The following NBPF3 variants were observed in gnomAD, a reference collection of about 807,000 sequenced individuals.
NBPF3 encodes NBPF member 3, also known as NBPF family member NBPF3.
Under a neutral mutation model 78.1 loss-of-function variants are expected in NBPF3, and 57 were observed. The observed-to-expected ratio is 0.73, with a 90% CI of 0.59 to 0.91. The LOEUF (loss-of-function observed/expected upper bound fraction) is 0.91. Among genes scored for constraint, NBPF3 ranks in the 40% least tolerant of loss-of-function variants. The pLI is 0.00. For missense variants in NBPF3, 510 were observed against 715.3 expected (o/e 0.71, Z 3.27); for synonymous variants, 182 against 271.7 (o/e 0.67, Z 3.25).
intron 8 of NBPF3, among the ~76,000 whole-genome samples, chr1:21,475,351 T>A (rs1395892341): frequency 6.6e-6 from 1 of 152,254 alleles, no homozygotes; most frequent in Non-Finnish European, 1.5e-5. Flanking sequence ...TTAATTGTGA[T>A]GTTAAGGTGT....
chr1:21,468,678 T>G lies in NBPF3; in HGVS notation c.134-10T>G, dbSNP rs1642410244. 1 of 1,612,624 alleles carries G rather than the reference T, an allele frequency of 6.2e-7. No individual in the cohort carries two copies. The highest frequency in any genetic ancestry group is 1.1e-5 in the South Asian group (1 of 91,058). ...TTAACCCATCGTGTGTTTGGGTGTC[T>G]TCTCCCCAGTCCCTGGCCCCACCTC... On this transcript the variant is annotated splice_polypyrimidine_tract_variant and intron_variant, in intron 2 of 14. Transcript: ENST00000318249.
In NBPF3 at chr1:21,448,617, C is replaced by T. The variant is rs555378977; in HGVS notation, c.133+3398C>T. Among the ~76,000 whole-genome samples, 4 of 152,242 alleles carry T rather than the reference C, an allele frequency of 2.6e-5. No homozygotes were observed. In the South Asian group the frequency reaches 8.3e-4, roughly 32 times the overall value. On this transcript the variant is annotated intron_variant, in intron 2 of 14. Transcript: ENST00000318249. The stretch of plus-strand genomic sequence containing the variant: ...CTTCATCATGAGAACCTGGTTGAGA[C>T]CATTGTAGTAAAACTTGGAAACGTG...
intron 5 of NBPF3, 75 bp downstream of exon 5, chr1:21,471,858 T>C (rs1642617138): frequency 6.4e-7 from 1 of 1,567,514 alleles, no homozygotes; most frequent in African/African-American, 1.4e-5. Context: ...ACTTTCACAA[T>C]GACATTTGTA....
intron 6 of NBPF3, 84 bp from the exon 7 acceptor site, chr1:21,473,296 C>T (rs1203549961): frequency 3.4e-6 from 5 of 1,488,846 alleles, no homozygotes; most frequent in African/African-American, 1.4e-5. Flanking sequence ...CTTAATGCCT[C>T]CTGTCGAAAC....
chr1:21,458,607 A>T (rs888635559), intron 2 of NBPF3, among the ~76,000 whole-genome samples: 1 of 152,242 alleles, frequency 6.6e-6, no homozygotes, highest in African/African-American at 2.4e-5. Context: ...TTAACCGTTG[A>T]TGCAAATACT....
Position 21,470,727 on chromosome 1 carries a change from G to A in NBPF3, c.439G>A (p.Glu147Lys). 6.3e-7 allele frequency: 1 copy of A among 1,596,828 alleles called. No homozygotes were observed. The highest frequency in any genetic ancestry group is 8.6e-7 in the Non-Finnish European group (1 of 1,168,878). ...TGCAGAGGAGCTCGGGCAAGCTGAG[G>A]AGCTCAGGTGAGTGGGCCCCCTGGG... ...KLAEELGQAE[E>K]LRQYKVLVHS... The change falls in exon 4 of 15, where the codon GAG becomes AAG. Residue 147 changes from glutamate (E) to lysine (K), a missense_variant. Coordinates refer to ENST00000318249, the MANE Select transcript of NBPF3 (RefSeq NM_032264.6).
At chr1:21,448,560 G>T (rs1416999014) in intron 2 of NBPF3, among the ~76,000 whole-genome samples, 2 of 152,154 alleles carry the variant, frequency 1.3e-5, no homozygotes, top group Non-Finnish European at 2.9e-5. Context: ...TCCTGAAGTT[G>T]ATAGTGCCAG....
intron 2 of NBPF3, among the ~76,000 whole-genome samples, chr1:21,450,255 GCTGA>G (rs1345488480): frequency 6.6e-6 from 1 of 152,136 alleles, no homozygotes; most frequent in Non-Finnish European, 1.5e-5. Context: ...CTTTGTCTTT[GCTGA>G]CTGTCAGCCA....
intron 8 of NBPF3, among the ~76,000 whole-genome samples, chr1:21,475,629 T>C (rs4654946): frequency 0.73 from 110,653 of 152,112 alleles, 41,052 homozygotes; most frequent in South Asian, 0.9. Flanking sequence ...AGAGACAGTT[T>C]GTTGTGATTT....
chr1:21,436,870 C>T, upstream of NBPF3: 1 of 624,622 alleles, frequency 1.6e-6, no homozygotes, highest in Non-Finnish European at 2.3e-6. This position sits in a 1 kb window ranked among gnomAD's most constrained non-coding sequence, Gnocchi z 4.3. Context: ...GGCTCGCGCC[C>T]TCCGGGTGGG....
chr1:21,454,855 G>C (rs545850383), intron 2 of NBPF3, among the ~76,000 whole-genome samples: 1 of 152,288 alleles, frequency 6.6e-6, no homozygotes, highest in Non-Finnish European at 1.5e-5. Context: ...TTTTCTTGCA[G>C]TGTCCACAGA....
At chr1:21,467,011 C>A in intron 2 of NBPF3, 1 of 984,804 alleles carries the variant, frequency 1.0e-6, no homozygotes, top group South Asian at 4.7e-5. Flanking sequence ...AAAACTCACC[C>A]CTGTGTGACC....
At chr1:21,463,507 T>G (rs1642071060) in intron 2 of NBPF3, among the ~76,000 whole-genome samples, 1 of 152,212 alleles carries the variant, frequency 6.6e-6, no homozygotes, top group Non-Finnish European at 1.5e-5. Flanking sequence ...AAAGTTCTCA[T>G]TCAAAAGACG....
chr1:21,468,583 A>G, intron 2 of NBPF3, 105 bp from the exon 3 acceptor site: 4 of 1,593,630 alleles, frequency 2.5e-6, no homozygotes, highest in Admixed American at 3.5e-5. Flanking sequence ...ATTTTTCTCA[A>G]CAGTAAGTTA....
chr1:21,483,306 G>T lies in NBPF3; in HGVS notation c.1822G>T (p.Asp608Tyr). Reference protein sequence around the residue: ...FEEQDVSLALDVDNRFFTLTV... With the variant: ...FEEQDVSLALYVDNRFFTLTV... ...GGAACAGGACGTCAGCTTGGCCCTT[G>T]ACGTGGACAATAGGTTTTTTACTTT... Residue 608 changes from aspartate (D) to tyrosine (Y), a missense_variant, in exon 15 of 15, where the codon GAC becomes TAC. By Grantham distance (160) the Asp-to-Tyr change is radical (BLOSUM62 -3). Coordinates refer to ENST00000318249, the MANE Select transcript of NBPF3 (RefSeq NM_032264.6). 2 of 1,305,110 alleles carry T rather than the reference G, an allele frequency of 1.5e-6. No individual in the cohort carries two copies. Among genetic ancestry groups the T allele is most frequent in the Non-Finnish European group, 2.1e-6 (2 of 960,578 alleles). The allele number at this position is 1,305,110 out of a possible 1,614,324, so 80.8% of individuals were successfully genotyped here.
At position 21,472,776 on chromosome 1, in the gene NBPF3, A is replaced by G; in HGVS notation, c.662-67A>G. The G allele has an allele frequency of 2.7e-6, 3 of 1,128,176 alleles. No individual in the cohort carries two copies. The South Asian group carries it at 3.7e-5, about 14-fold the overall frequency. 69.9% of individuals were successfully genotyped at this position (1,128,176 alleles called of 1,614,324 possible). On this transcript the variant is annotated intron_variant, in intron 5 of 14. Transcript: ENST00000318249. ...CCTAGATGTTCATGTCTGTGTGCAC[A>G]TTCGGCTGACTGTGCTTGCAGAGTG...
intron 2 of NBPF3, among the ~76,000 whole-genome samples, chr1:21,464,481 T>A (rs776899602): frequency 6.6e-6 from 1 of 152,056 alleles, no homozygotes; most frequent in East Asian, 1.9e-4. Context: ...TGTCTGCCCA[T>A]AGGTACAGGC....
In NBPF3 at chr1:21,468,765, A is replaced by G. The variant is rs202145912; in HGVS notation, c.211A>G (p.Met71Val). The change falls in exon 3 of 15, where the codon ATG becomes GTG. Residue 71 changes from methionine to valine, a missense_variant. Coordinates refer to ENST00000318249, the MANE Select transcript of NBPF3 (RefSeq NM_032264.6). ...AGPWSGEKAE[M>V]NILEINKKSR... ...CCCTTGGTCCGGTGAGAAGGCAGAG[A>G]TGAACATTCTAGAAATCAACAAGAA... 2 of 1,613,778 alleles carry G rather than the reference A, an allele frequency of 1.2e-6. No individual in the cohort carries two copies. The highest frequency in any genetic ancestry group is 1.3e-5 in the African/African-American group (1 of 74,918).
At chr1:21,475,093 T>C in intron 8 of NBPF3, 142 bp downstream of exon 8, 2 of 723,028 alleles carry the variant, frequency 2.8e-6, no homozygotes, top group South Asian at 3.3e-5. Flanking sequence ...TGTTGTACAT[T>C]ATTTGTGGCC....
Sources: gnomAD v4.1 joint callset for allele counts (sites outside exome capture counted in the v4.1 genomes callset) on GRCh38, gnomAD v4.1.1 for gene constraint, Gnocchi (gnomAD v3.1) non-coding constraint, MANE v1.5 for transcripts, NCBI Gene and HGNC (gene_info 2026-07-23, HGNC 2026-07-21) for gene names.